Variants in DEDD observed in about 807,000 individuals in gnomAD.
DEDD encodes death effector domain containing.
DEDD carries 3 observed loss-of-function variants against 29.2 expected under a neutral mutation model. That is an observed-to-expected ratio of 0.10 (90% confidence interval 0.05 to 0.27). The LOEUF is 0.27. DEDD is among the 10% of genes least tolerant of loss of function. The pLI, the probability that DEDD is intolerant of heterozygous loss-of-function variation, is 1.00. For missense variants in DEDD, 261 were observed against 420.5 expected, an observed-to-expected ratio of 0.62 and a Z score of 3.32; for synonymous variants, 152 against 161.3, an observed-to-expected ratio of 0.94 and a Z score of 0.44.
At chr1:161,132,507 C>T (rs1159209457) in intron 1 of DEDD, 44 bp downstream of exon 1, 3 of 154,616 alleles carry the variant, frequency 1.9e-5, no homozygotes, top group Non-Finnish European at 4.4e-5. Context: ...CCGCCCCGTC[C>T]CGCTCGACTC....
chr1:161,128,536 A>AGCTGCAGTGGGATGTGATAGCGCC (rs1256633215), intron 2 of DEDD, among the ~76,000 whole-genome samples: 7 of 152,080 alleles, frequency 4.6e-5, no homozygotes, highest in Non-Finnish European at 7.4e-5. Flanking sequence ...GGGAGGTCGA[A>AGCTGCAGTGGGATGTGATAGCGCC]GCTGCAGTGG....
chr1:161,124,091 G>T (rs371582408), intron 3 of DEDD, 47 bp downstream of exon 3: 21 of 1,586,920 alleles, frequency 1.3e-5, no homozygotes, highest in Middle Eastern at 1.7e-4. Flanking sequence ...GCTCCTTCCT[G>T]GCCTCCCACA....
In DEDD at chr1:161,124,466, G is replaced by A; in HGVS notation, c.-4C>T. The A allele has an allele frequency of 6.3e-7, 1 of 1,597,058 alleles. No individual in the cohort carries two copies. Among genetic ancestry groups the A allele is most frequent in the Non-Finnish European group, 8.6e-7 (1 of 1,167,632 alleles). Reference sequence around the variant, plus strand: ...CCCGCCGCTTTAGGCCCGCCATGCTGGGGGCTCAGGTACGCAATGCTTTCC... The same window carrying A: ...CCCGCCGCTTTAGGCCCGCCATGCTAGGGGCTCAGGTACGCAATGCTTTCC... On this transcript the variant is annotated 5_prime_UTR_variant, in exon 3 of 6. Coordinates refer to ENST00000368006, the MANE Select transcript of DEDD (RefSeq NM_032998.3).
intron 2 of DEDD, among the ~76,000 whole-genome samples, chr1:161,128,471 T>C (rs188311905): frequency 2.6e-5 from 4 of 152,192 alleles, no homozygotes; most frequent in Admixed American, 6.5e-5. Context: ...CGTGGTGGCA[T>C]GCACCTGTGA....
chr1:161,120,983 A>G lies in DEDD; in HGVS notation c.*1164T>C. The G allele has an allele frequency of 7.1e-7, 1 of 1,411,922 alleles. No homozygotes were observed. Among genetic ancestry groups the G allele is most frequent in the South Asian group, 1.6e-5 (1 of 63,856 alleles). The allele number at this position is 1,411,922 out of a possible 1,614,324, so 87.5% of individuals were successfully genotyped here. On this transcript the variant is annotated 3_prime_UTR_variant, in exon 6 of 6. Transcript: ENST00000368006. ...CAGTTTCAGAAAGGTGGAATTTTAT[A>G]TAGTCATTGTTTATTTCATGGAAAC...
intron 4 of DEDD, 71 bp downstream of exon 4, chr1:161,123,768 G>C (rs1301266468): frequency 1.5e-6 from 2 of 1,371,072 alleles, no homozygotes; most frequent in Non-Finnish European, 1.0e-6. Context: ...AGCTGGCAAA[G>C]CCCAGAATGT....
At position 161,122,757 on chromosome 1, in the gene DEDD, T is replaced by C. The variant is rs1179509678; in HGVS notation, c.581-234A>G. 6.6e-6 allele frequency among the ~76,000 whole-genome samples: 1 copy of C among 152,224 alleles called. No individual in the cohort carries two copies. Among genetic ancestry groups the C allele is most frequent in the Non-Finnish European group, 1.5e-5 (1 of 68,050 alleles). Reference sequence around the variant, plus strand: ...CAGCACTGTTCCCATTACTCACAGGTAGCAACTTGTTTATAGGAGATATTT... The same window carrying C: ...CAGCACTGTTCCCATTACTCACAGGCAGCAACTTGTTTATAGGAGATATTT... On this transcript the variant is annotated intron_variant, in intron 5 of 5. Transcript: ENST00000368006. This position sits in a 1 kb window ranked among gnomAD's most constrained non-coding sequence, Gnocchi z 4.2.
rs1655548907 is a variant in DEDD at position 161,122,000 on chromosome 1, TC to T, written c.*146del. ...GCAGGGAGGGGTGGGGAATACCACT[TC>T]CACTTTCTTTTGTCTTTTTCTTTAA... On this transcript the variant is annotated 3_prime_UTR_variant, in exon 6 of 6. Transcript: ENST00000368006. 1.8e-6 allele frequency: 2 copies of T among 1,104,500 alleles called. No individual in the cohort carries two copies. Among genetic ancestry groups the T allele is most frequent in the Non-Finnish European group, 2.5e-6 (2 of 784,670 alleles). The allele number at this position is 1,104,500 out of a possible 1,614,324, so 68.4% of individuals were successfully genotyped here.
At chr1:161,128,370 G>T (rs1656360162) in intron 2 of DEDD, among the ~76,000 whole-genome samples, 1 of 152,182 alleles carries the variant, frequency 6.6e-6, no homozygotes, top group African/African-American at 2.4e-5. Context: ...AGAGGCCAAG[G>T]TGGGAGGAAC....
chr1:161,129,209 G>A (rs1025640625), intron 2 of DEDD, among the ~76,000 whole-genome samples: 7 of 152,198 alleles, frequency 4.6e-5, no homozygotes, highest in African/African-American at 1.7e-4. Context: ...GGAGAAATAT[G>A]AGGATACTGT....
chr1:161,123,707 A>T (rs1655821007), intron 4 of DEDD, 132 bp downstream of exon 4: 1 of 632,808 alleles, frequency 1.6e-6, no homozygotes, highest in Non-Finnish European at 2.6e-6. Flanking sequence ...ACCTCGCCTG[A>T]TTTTTTTTTT....
At position 161,122,448 on chromosome 1, in the gene DEDD, T is replaced by C; in HGVS notation, c.656A>G (p.Gln219Arg). Residue 219 changes from glutamine (Q) to arginine (R), a missense_variant, in exon 6 of 6, where the codon CAG (glutamine) becomes CGG (arginine). Transcript: ENST00000368006. The surrounding 1 kb of genome is among the most constrained non-coding windows in gnomAD (Gnocchi z 4.2). ...ALQGNVFSNK[Q>R]DPLERQFERF... ...CTCAAACTGGCGCTCAAGTGGGTCC[T>C]GCTTGTTAGAGAAGACATTGCCCTG... is the stretch of plus-strand genomic sequence containing the variant. The C allele has an allele frequency of 6.2e-7, 1 of 1,614,248 alleles. No individual in the cohort carries two copies. The highest frequency in any genetic ancestry group is 8.5e-7 in the Non-Finnish European group (1 of 1,180,040).
In DEDD at chr1:161,132,563, C is replaced by CTCGGCGCCGCCATGTTGGATCCA. The variant is rs1390894683; in HGVS notation, c.-133_-111dup. Reference sequence around the variant, plus strand: ...CCCTCCGCCTCACTCTCGGCTCAGGCTCGGCGCCGCCATGTTGGATCCATC... The same window carrying CTCGGCGCCGCCATGTTGGATCCA: ...CCCTCCGCCTCACTCTCGGCTCAGGCTCGGCGCCGCCATGTTGGATCCATCGGCGCCGCCATGTTGGATCCATC... On this transcript the variant is annotated 5_prime_UTR_variant, in exon 1 of 6. The change creates a new upstream start codon in the 5' untranslated region. Coordinates refer to ENST00000368006, the MANE Select transcript of DEDD (RefSeq NM_032998.3). 3.2e-5 allele frequency: 5 copies of CTCGGCGCCGCCATGTTGGATCCA among 154,750 alleles called. No individual in the cohort carries two copies. Among genetic ancestry groups the CTCGGCGCCGCCATGTTGGATCCA allele is most frequent in the East Asian group, 3.8e-4 (2 of 5,248 alleles). The allele number at this position is 154,750 out of a possible 1,614,324, so 9.6% of individuals were successfully genotyped here.
At chr1:161,130,455 A>G (rs1211807253) in intron 2 of DEDD, among the ~76,000 whole-genome samples, 4 of 152,176 alleles carry the variant, frequency 2.6e-5, no homozygotes, top group Non-Finnish European at 4.4e-5. Context: ...AAAGTTTCCC[A>G]CGGAAGGAAG....
chr1:161,122,662 A>G lies in DEDD; in HGVS notation c.581-139T>C. The G allele has an allele frequency of 8.7e-7, 1 of 1,152,518 alleles. No homozygotes were observed. The highest frequency in any genetic ancestry group is 2.4e-5 in the East Asian group (1 of 40,894). The allele number at this position is 1,152,518 out of a possible 1,614,324, so 71.4% of individuals were successfully genotyped here. ...ACAGCTTCTCTACCTCTTCCCCAGG[A>G]CTATTTCTATGTATCTCTGAAATCC... On this transcript the variant is annotated intron_variant, in intron 5 of 5. Coordinates refer to ENST00000368006, the MANE Select transcript of DEDD (RefSeq NM_032998.3). The surrounding 1 kb of genome is among the most constrained non-coding windows in gnomAD (Gnocchi z 4.2).
At chr1:161,124,654 G>T in intron 2 of DEDD, 128 bp from the exon 3 acceptor site, 1 of 1,251,092 alleles carries the variant, frequency 8.0e-7, no homozygotes, top group Non-Finnish European at 1.0e-6. Context: ...TTAAATTTTT[G>T]AAGTGTTTGT....
chr1:161,128,680 G>A (rs1468053011), intron 2 of DEDD, among the ~76,000 whole-genome samples: 1 of 151,946 alleles, frequency 6.6e-6, no homozygotes, highest in Non-Finnish European at 1.5e-5. Flanking sequence ...TGTCAATAAT[G>A]CCAAGGATGA....
At chr1:161,123,626 ACT>A (rs1422538951) in intron 4 of DEDD, among the ~76,000 whole-genome samples, 16 of 136,110 alleles carry the variant, frequency 1.2e-4, no homozygotes, top group South Asian at 5.0e-4. Context: ...ACAGAGGGAG[ACT>A]CTGTCTCAAA....
At position 161,124,261 on chromosome 1, in the gene DEDD, A is replaced by G. The variant is rs778571118; in HGVS notation, c.202T>C (p.Leu68=). Residue 68 remains leucine, a synonymous_variant, in exon 3 of 6, where the codon TTA becomes CTA. Coordinates refer to ENST00000368006, the MANE Select transcript of DEDD (RefSeq NM_032998.3). The stretch of plus-strand genomic sequence containing the variant: ...CGGCCCTGGCGCTCCAGTGCCAATA[A>G]GAAGTCACGTCCATTTCGGATGAGT... ...RGLIRNGRDF[L]LALERQGRCD... 1 of 1,614,258 alleles carries G rather than the reference A, an allele frequency of 6.2e-7. No individual in the cohort carries two copies. The highest frequency in any genetic ancestry group is 1.1e-5 in the South Asian group (1 of 91,086).
Sources: gnomAD v4.1 joint callset for allele counts (sites outside exome capture counted in the v4.1 genomes callset) on GRCh38, gnomAD v4.1.1 for gene constraint, Gnocchi (gnomAD v3.1) non-coding constraint, MANE v1.5 for transcripts, NCBI Gene and HGNC (gene_info 2026-07-23, HGNC 2026-07-21) for gene names.